ERBB4: variants seen among roughly 807,000 people sequenced by gnomAD.
ERBB4 encodes the protein erb-b2 receptor tyrosine kinase 4.
In ERBB4, 42 loss-of-function variants were observed where a neutral mutation model predicts 158.0. The ratio of observed to expected loss-of-function variants is 0.27; its 90% CI spans 0.21 to 0.34. ERBB4 has a LOEUF of 0.34. Among genes scored for constraint, ERBB4 ranks in the 10% least tolerant of loss-of-function variants. The pLI, the probability that ERBB4 is intolerant of heterozygous loss-of-function variation, is 1.00. For missense variants in ERBB4, 1,333 were observed against 1,624.1 expected, an observed-to-expected ratio of 0.82 and a Z score of 3.08; for synonymous variants, 583 against 558.7, an observed-to-expected ratio of 1.04 and a Z score of -0.61.
At chr2:212,235,673 G>A (rs187089361) in intron 1 of ERBB4, among the ~76,000 whole-genome samples, 69 of 152,212 alleles carry the variant, frequency 4.5e-4, no homozygotes, top group African/African-American at 1.6e-3. Flanking sequence ...TCTCCTTGAA[G>A]AGTCCTTCAC....
chr2:211,484,220 AG>A (rs1397498153), intron 20 of ERBB4, among the ~76,000 whole-genome samples: 1 of 152,196 alleles, frequency 6.6e-6, no homozygotes, highest in Non-Finnish European at 1.5e-5. Flanking sequence ...GAAAAACGGG[AG>A]GGAAAAAAGA....
chr2:211,865,822 T>C (rs879872950), intron 3 of ERBB4, among the ~76,000 whole-genome samples: 4 of 152,214 alleles, frequency 2.6e-5, no homozygotes, highest in African/African-American at 9.7e-5. Flanking sequence ...AAATAGATTA[T>C]GAAATAGACA....
intron 1 of ERBB4, among the ~76,000 whole-genome samples, chr2:212,296,994 A>AT (rs966454289): frequency 5.9e-5 from 9 of 151,618 alleles, no homozygotes; most frequent in African/African-American, 2.2e-4. Flanking sequence ...ACTGTCCCTT[A>AT]TTTTTTTCCC....
At chr2:211,743,669 C>A (rs1303247488) in intron 5 of ERBB4, among the ~76,000 whole-genome samples, 4 of 152,238 alleles carry the variant, frequency 2.6e-5, no homozygotes, top group Non-Finnish European at 4.4e-5. Context: ...ACCTGTAAGC[C>A]TGCTAAATAA....
chr2:211,558,915 C>CA (rs2067311147), intron 20 of ERBB4, among the ~76,000 whole-genome samples: 1 of 152,130 alleles, frequency 6.6e-6, no homozygotes, highest in Non-Finnish European at 1.5e-5. Context: ...CAGATACAGT[C>CA]AGTCTCAAGG....
intron 3 of ERBB4, among the ~76,000 whole-genome samples, chr2:211,799,519 A>T (rs1468973090): frequency 1.3e-5 from 2 of 152,182 alleles, no homozygotes; most frequent in African/African-American, 4.8e-5. Context: ...AGAAGGGAAA[A>T]CTATTGAGAA....
chr2:212,027,601 T>G (rs2076803529), intron 2 of ERBB4, among the ~76,000 whole-genome samples: 1 of 152,098 alleles, frequency 6.6e-6, no homozygotes, highest in Non-Finnish European at 1.5e-5. Flanking sequence ...GATATCTTTA[T>G]TCTTACTCCT....
intron 12 of ERBB4, among the ~76,000 whole-genome samples, chr2:211,685,250 A>G (rs1017282932): frequency 2.6e-5 from 4 of 152,164 alleles, no homozygotes; most frequent in Non-Finnish European, 5.9e-5. Flanking sequence ...TCAAAATTTT[A>G]TAGCTTTATA....
At chr2:211,633,853 T>C (rs558194947) in intron 16 of ERBB4, among the ~76,000 whole-genome samples, 1 of 152,088 alleles carries the variant, frequency 6.6e-6, no homozygotes, top group Non-Finnish European at 1.5e-5. Flanking sequence ...AAAGGTCAAA[T>C]ATCCAGAATA....
chr2:212,488,411 T>A (rs918002674), intron 1 of ERBB4, among the ~76,000 whole-genome samples: 2 of 152,018 alleles, frequency 1.3e-5, no homozygotes, highest in Non-Finnish European at 2.9e-5. Flanking sequence ...AGTTTTAACC[T>A]CTATAGTCTG....
intron 1 of ERBB4, among the ~76,000 whole-genome samples, chr2:212,473,173 A>T (rs989612663): frequency 1.3e-5 from 2 of 151,950 alleles, no homozygotes; most frequent in Non-Finnish European, 2.9e-5. Context: ...TAACATTGCT[A>T]ATTAATTTTG....
intron 2 of ERBB4, among the ~76,000 whole-genome samples, chr2:212,084,897 T>C (rs111685487): frequency 8.1e-4 from 123 of 152,126 alleles, no homozygotes; most frequent in African/African-American, 2.7e-3. Context: ...ATTGGGATCA[T>C]GAAGTCCTAA....
At chr2:212,429,724 T>C (rs1221041162) in intron 1 of ERBB4, among the ~76,000 whole-genome samples, 2 of 151,228 alleles carry the variant, frequency 1.3e-5, no homozygotes, top group Non-Finnish European at 3.0e-5. Context: ...GATGAAACCA[T>C]GGCAGTTAGA....
In ERBB4 at chr2:212,202,349, T is replaced by G. The variant is rs181035438; in HGVS notation, c.83-77446A>C. ...GATATGTTTTGACATGAAATATTAA[T>G]TTTTTATTTTTATTTTTTTGAGATA... On this transcript the variant is annotated intron_variant, in intron 1 of 27. Transcript: ENST00000342788. Among the ~76,000 whole-genome samples, 19 of 152,246 alleles carry G rather than the reference T, an allele frequency of 1.2e-4. No homozygotes were observed. The East Asian group carries it at 3.7e-3, about 29-fold the overall frequency.
intron 5 of ERBB4, among the ~76,000 whole-genome samples, chr2:211,746,539 T>C (rs1479775423): frequency 6.6e-6 from 1 of 151,830 alleles, no homozygotes; most frequent in Non-Finnish European, 1.5e-5. Flanking sequence ...GTGAGAAAAC[T>C]CCATTCAGGC....
chr2:211,485,818 G>T (rs1353551156), intron 20 of ERBB4, among the ~76,000 whole-genome samples: 2 of 151,578 alleles, frequency 1.3e-5, no homozygotes, highest in Non-Finnish European at 2.9e-5. Context: ...TAACTAACCT[G>T]CACATTGTGC....
intron 2 of ERBB4, among the ~76,000 whole-genome samples, chr2:211,991,937 A>C (rs1207387647): frequency 6.6e-6 from 1 of 152,118 alleles, no homozygotes; most frequent in Non-Finnish European, 1.5e-5. Context: ...TTATTTGATA[A>C]AGTTAAGGGA....
In ERBB4 at chr2:211,609,590, T is replaced by G. The variant is rs576075332; in HGVS notation, c.2301+9587A>C. ...CAGGATCTTGCTCTGTCACCCAGGC[T>G]AGAATGCTGCACCAGGATCCTAGCT... On this transcript the variant is annotated intron_variant, in intron 19 of 27. Coordinates refer to ENST00000342788, the MANE Select transcript of ERBB4 (RefSeq NM_005235.3). Among the ~76,000 whole-genome samples, 19 of 152,316 alleles carry G rather than the reference T, an allele frequency of 1.2e-4. No homozygotes were observed. The South Asian group carries it at 3.7e-3, about 30-fold the overall frequency.
chr2:211,500,831 T>C (rs1415226800), intron 20 of ERBB4, among the ~76,000 whole-genome samples: 1 of 152,094 alleles, frequency 6.6e-6, no homozygotes, highest in East Asian at 1.9e-4. Context: ...CAGGTCATTC[T>C]AATTATTCTA....
Sources: allele counts gnomAD v4.1 joint callset (sites outside exome capture counted in the v4.1 genomes callset), GRCh38; gene constraint gnomAD v4.1.1; transcripts MANE v1.5; gene names NCBI Gene and HGNC (gene_info 2026-07-23, HGNC 2026-07-21).